PLEKHA7: variants seen among roughly 807,000 people sequenced by gnomAD.
PLEKHA7 encodes pleckstrin homology domain containing A7, also known as pleckstrin homology domain-containing family A member 7.
Under a neutral mutation model 170.0 loss-of-function variants are expected in PLEKHA7, and 104 were observed. That is an observed-to-expected ratio of 0.61 (90% CI 0.52 to 0.72). The LOEUF (loss-of-function observed/expected upper bound fraction) is 0.72, where lower values mean the gene tolerates loss of function less well. Ranked by LOEUF, PLEKHA7 falls within the 30% of genes least tolerant of loss-of-function variation. The probability of loss-of-function intolerance (pLI) is 0.00; values close to 1 mark genes in which losing one functional copy is unlikely to be tolerated. For synonymous variants in PLEKHA7, 648 were observed against 660.8 expected, an observed-to-expected ratio of 0.98 and a Z score of 0.30; for missense variants, 1,615 against 1,671.7, an observed-to-expected ratio of 0.97 and a Z score of 0.59.
chr11:16,779,582 G>A lies in PLEKHA7; in HGVS notation c.3794-562C>T, dbSNP rs185655188. Among the ~76,000 whole-genome samples the A allele has an allele frequency of 5.3e-5, 8 of 152,268 alleles. No individual in the cohort carries two copies. In the East Asian group the frequency reaches 7.7e-4, roughly 15 times the overall value. On this transcript the variant is annotated intron_variant, in intron 26 of 26. Transcript: ENST00000531066. ...CTCAAATGTGGCCTTCACAATGGGC[G>A]TGGCTAGAGCACTTCCCTATGGCTC...
chr11:16,853,866 G>A (rs1853197357), intron 6 of PLEKHA7, among the ~76,000 whole-genome samples: 1 of 152,164 alleles, frequency 6.6e-6, no homozygotes, highest in Non-Finnish European at 1.5e-5. Flanking sequence ...ATTTTAAGGG[G>A]ACTTTTGGGA....
rs566097430 is a variant in PLEKHA7 at position 16,973,035 on chromosome 11, C to G, written c.221+40954G>C. ...TTGCTCCTTCCTTGAATCAAAGACCCTCTGTTTCCCTTTTTCTCCATTTCT... is the reference window on the plus strand; with the variant it reads ...TTGCTCCTTCCTTGAATCAAAGACCGTCTGTTTCCCTTTTTCTCCATTTCT... On this transcript the variant is annotated intron_variant, in intron 3 of 26. Transcript: ENST00000531066. 1.2e-4 allele frequency among the ~76,000 whole-genome samples: 18 copies of G among 152,362 alleles called. No individual in the cohort carries two copies. In the East Asian group the frequency reaches 3.5e-3, roughly 29 times the overall value.
At chr11:16,889,006 T>G (rs905207500) in intron 3 of PLEKHA7, among the ~76,000 whole-genome samples, 1 of 136,118 alleles carries the variant, frequency 7.3e-6, no homozygotes, top group Non-Finnish European at 1.6e-5. Flanking sequence ...GCTCAGCTAT[T>G]GTAACCCCTG....
rs1849618323 is a variant in PLEKHA7 at position 16,789,229 on chromosome 11, T to C, written c.3224A>G (p.Glu1075Gly). The change falls in exon 23 of 27, where the codon GAG (glutamate) becomes GGG (glycine). Residue 1075 changes from glutamate (E) to glycine (G), a missense_variant. Glu to Gly is a moderately conservative substitution (Grantham distance 98). Coordinates refer to ENST00000531066, the MANE Select transcript of PLEKHA7 (RefSeq NM_001329630.2). This position sits in a 1 kb window ranked among gnomAD's most constrained non-coding sequence, Gnocchi z 4.6. ...GTGTCGCTTCATGCGCTCCAGCTGCTCCTCTGCACTCATCTTGCCTCGCTG... is the reference window on the plus strand; with the variant it reads ...GTGTCGCTTCATGCGCTCCAGCTGCCCCTCTGCACTCATCTTGCCTCGCTG... The part of the protein sequence containing the change: ...DHQRGKMSAE[E>G]QLERMKRHQK... 1 of 1,613,606 alleles carries C rather than the reference T, an allele frequency of 6.2e-7. No individual in the cohort carries two copies. The highest frequency in any genetic ancestry group is 1.7e-5 in the Admixed American group (1 of 60,006).
At chr11:16,864,359 T>C (rs1164681423) in intron 4 of PLEKHA7, among the ~76,000 whole-genome samples, 2 of 152,154 alleles carry the variant, frequency 1.3e-5, no homozygotes, top group Non-Finnish European at 2.9e-5. Flanking sequence ...AAAATAATAA[T>C]AATACTAGCA....
intron 3 of PLEKHA7, among the ~76,000 whole-genome samples, chr11:17,008,340 C>T (rs1865135180): frequency 6.6e-6 from 1 of 152,174 alleles, no homozygotes; most frequent in African/African-American, 2.4e-5. Context: ...AACAGGTATC[C>T]CAGTCCCAGA....
intron 3 of PLEKHA7, among the ~76,000 whole-genome samples, chr11:16,943,915 A>G (rs1860852071): frequency 6.6e-6 from 1 of 152,196 alleles, no homozygotes. Context: ...TAAAATACAG[A>G]TTTCCAGGCC....
At chr11:16,871,796 C>G (rs184994293) in intron 3 of PLEKHA7, among the ~76,000 whole-genome samples, 1 of 152,248 alleles carries the variant, frequency 6.6e-6, no homozygotes, top group East Asian at 1.9e-4. Context: ...AGCTGACAGA[C>G]ACAAAGTGTG....
At chr11:16,807,269 G>C in intron 13 of PLEKHA7, 1 of 838,978 alleles carries the variant, frequency 1.2e-6, no homozygotes, top group Non-Finnish European at 1.4e-6. Context: ...TAACAGGTGA[G>C]ACATCAAATG....
chr11:16,851,037 T>C (rs1198078768), intron 8 of PLEKHA7, among the ~76,000 whole-genome samples, 154 bp downstream of exon 8: 2 of 152,220 alleles, frequency 1.3e-5, no homozygotes, highest in East Asian at 3.9e-4. Flanking sequence ...CATGTGATAT[T>C]ATTCTTGTTT....
At chr11:16,874,811 C>T (rs1360885496) in intron 3 of PLEKHA7, among the ~76,000 whole-genome samples, 1 of 152,182 alleles carries the variant, frequency 6.6e-6, no homozygotes, top group Non-Finnish European at 1.5e-5. Context: ...ATAAGATCAG[C>T]TGATGGATCT....
chr11:16,975,741 G>A (rs1366576926), intron 3 of PLEKHA7, among the ~76,000 whole-genome samples: 1 of 152,214 alleles, frequency 6.6e-6, no homozygotes, highest in Admixed American at 6.5e-5. Context: ...TTATCTCTGG[G>A]TGATAGGATT....
intron 3 of PLEKHA7, among the ~76,000 whole-genome samples, chr11:16,937,796 TG>T (rs978065908): frequency 6.6e-6 from 1 of 152,042 alleles, no homozygotes; most frequent in African/African-American, 2.4e-5. Flanking sequence ...TTAGTAGAGA[TG>T]GTGTTTCTCC....
intron 3 of PLEKHA7, among the ~76,000 whole-genome samples, chr11:16,972,168 G>A (rs1862760405): frequency 6.6e-6 from 1 of 152,064 alleles, no homozygotes; most frequent in Non-Finnish European, 1.5e-5. Flanking sequence ...TGTCTCCCTC[G>A]CTGGAGTGCA....
chr11:16,869,634 T>C (rs577811370), intron 4 of PLEKHA7, among the ~76,000 whole-genome samples: 1 of 152,360 alleles, frequency 6.6e-6, no homozygotes, highest in Admixed American at 6.5e-5. Context: ...AAATGGTATG[T>C]GTGGAATTTG....
chr11:16,885,165 A>G (rs1855988198), intron 3 of PLEKHA7, among the ~76,000 whole-genome samples: 1 of 152,084 alleles, frequency 6.6e-6, no homozygotes, highest in Admixed American at 6.5e-5. Flanking sequence ...ACATAGTGAA[A>G]CCCTGAATAC....
In PLEKHA7 at chr11:16,854,969, G is replaced by A. The variant is rs997758563; in HGVS notation, c.442C>T (p.His148Tyr). ...PKIIKSSSKV[H>Y]SFGKRDQAIR... ...GCCTGGTCTCTCTTCCCAAAGCTGT[G>A]GACTTTACTGCTGGACTTTATGATC... Residue 148 changes from histidine (H) to tyrosine (Y), a missense_variant, in exon 6 of 27, where the codon CAC becomes TAC. Transcript: ENST00000531066. The A allele has an allele frequency of 3.1e-6, 5 of 1,613,950 alleles. No individual in the cohort carries two copies. The Admixed American group carries it at 6.7e-5, about 22-fold the overall frequency.
At chr11:16,820,908 G>A (rs1850164052) in intron 10 of PLEKHA7, among the ~76,000 whole-genome samples, 2 of 152,196 alleles carry the variant, frequency 1.3e-5, no homozygotes, top group Non-Finnish European at 2.9e-5. Context: ...AGGTAACTAT[G>A]GAGGAGGGAC....
intron 3 of PLEKHA7, among the ~76,000 whole-genome samples, chr11:16,982,806 C>CACACACAT (rs1554990150): frequency 6.9e-6 from 1 of 145,294 alleles, no homozygotes; most frequent in Non-Finnish European, 1.5e-5. Context: ...CACACACACA[C>CACACACAT]GGAGAAAGAG....
Sources: allele counts gnomAD v4.1 joint callset (sites outside exome capture counted in the v4.1 genomes callset), GRCh38; gene constraint gnomAD v4.1.1; non-coding constraint Gnocchi (gnomAD v3.1); transcripts MANE v1.5; gene names NCBI Gene and HGNC (gene_info 2026-07-23, HGNC 2026-07-21).